The following AJAP1 variants were observed in gnomAD, a reference collection of about 807,000 sequenced individuals.
AJAP1 encodes adherens junctions associated protein 1.
A neutral mutation model predicts 35.0 loss-of-function variants in AJAP1; 5 were observed. The observed-to-expected ratio is 0.14, with a 90% CI of 0.07 to 0.30. The LOEUF (loss-of-function observed/expected upper bound fraction) is 0.30, where lower values mean the gene tolerates loss of function less well. Ranked by LOEUF, AJAP1 falls within the 10% of genes least tolerant of loss-of-function variation. The pLI is 1.00. For missense variants in AJAP1, 586 were observed against 571.0 expected (o/e 1.03, Z -0.27); for synonymous variants, 284 against 249.3 (o/e 1.14, Z -1.31).
At chr1:4,740,255 C>G (rs951236009) in intron 2 of AJAP1, among the ~76,000 whole-genome samples, 1 of 133,978 alleles carries the variant, frequency 7.5e-6, no homozygotes, top group African/African-American at 2.8e-5. Flanking sequence ...GCGAAATAAA[C>G]CGGCCACAAA....
In AJAP1 at chr1:4,792,314, A is replaced by T. The variant is rs1373209863; in HGVS notation, c.*9829A>T. The T allele has an allele frequency of 7.9e-6, 1 of 125,938 alleles. No homozygotes were observed. The highest frequency in any genetic ancestry group is 1.6e-5 in the Non-Finnish European group (1 of 63,670). The allele number at this position is 125,938 out of a possible 1,614,324, so 7.8% of individuals were successfully genotyped here. On this transcript the variant is annotated 3_prime_UTR_variant, in exon 6 of 6. Coordinates refer to ENST00000378191, the MANE Select transcript of AJAP1 (RefSeq NM_018836.4). Reference sequence around the variant, plus strand: ...ATCATAATCATGTTAATAAACAAAAATGACACAATATATGTGGGTGGGGGG... The same window carrying T: ...ATCATAATCATGTTAATAAACAAAATTGACACAATATATGTGGGTGGGGGG...
intron 2 of AJAP1, among the ~76,000 whole-genome samples, chr1:4,756,221 G>A (rs1241821549): frequency 1.3e-5 from 2 of 152,084 alleles, no homozygotes; most frequent in Non-Finnish European, 2.9e-5. Flanking sequence ...TTCACATCAC[G>A]GGCCCCAAAA....
intron 2 of AJAP1, among the ~76,000 whole-genome samples, chr1:4,739,801 A>G (rs1205739200): frequency 1.3e-5 from 2 of 152,052 alleles, no homozygotes; most frequent in East Asian, 1.9e-4. Context: ...CCTCACTTCA[A>G]CGTTGAATTG....
At chr1:4,708,404 G>T (rs1470410750) in intron 1 of AJAP1, among the ~76,000 whole-genome samples, 1 of 152,196 alleles carries the variant, frequency 6.6e-6, no homozygotes, top group Admixed American at 6.5e-5. Flanking sequence ...CTCCAGAGGA[G>T]GTGTGGGGTC....
chr1:4,757,782 C>G (rs1641467028), intron 2 of AJAP1, among the ~76,000 whole-genome samples: 1 of 152,230 alleles, frequency 6.6e-6, no homozygotes, highest in Non-Finnish European at 1.5e-5. Flanking sequence ...TGCCTGCACA[C>G]AGTAGGTCCT....
At chr1:4,763,378 G>A (rs1469715431) in intron 2 of AJAP1, among the ~76,000 whole-genome samples, 3 of 152,220 alleles carry the variant, frequency 2.0e-5, no homozygotes, top group Non-Finnish European at 4.4e-5. Flanking sequence ...TCTGTAGCAT[G>A]TGATCCTGTC....
chr1:4,724,440 C>G (rs1016194051), intron 2 of AJAP1, among the ~76,000 whole-genome samples: 3 of 152,178 alleles, frequency 2.0e-5, no homozygotes. Context: ...CTCTGAAGCC[C>G]CCACCTCTGG....
chr1:4,710,145 TAC>T (rs374109649), intron 1 of AJAP1, among the ~76,000 whole-genome samples: 2,632 of 140,086 alleles, frequency 0.019, 31 homozygotes, highest in Non-Finnish European at 0.03. Flanking sequence ...CACACACAAA[TAC>T]ACACACAGAT....
rs146184059 is a variant in AJAP1, at chr1:4,692,753, C to G, written c.30-19147C>G. ...GCCACCCTGGCACTCTGCTGTCCTC[C>G]CTCCAGGTCTTGTCAGCTGAAATGC... is the stretch of plus-strand genomic sequence containing the variant. On this transcript the variant is annotated intron_variant, in intron 1 of 5. Coordinates refer to ENST00000378191, the MANE Select transcript of AJAP1 (RefSeq NM_018836.4). This position sits in a 1 kb window ranked among gnomAD's most constrained non-coding sequence, Gnocchi z 4.4. Among the ~76,000 whole-genome samples the G allele has an allele frequency of 7.9e-5, 12 of 152,312 alleles. No individual in the cohort carries two copies. The highest frequency in any genetic ancestry group is 1.5e-4 in the Non-Finnish European group (10 of 68,030).
At chr1:4,713,662 A>G (rs1015988913) in intron 2 of AJAP1, among the ~76,000 whole-genome samples, 2 of 152,260 alleles carry the variant, frequency 1.3e-5, no homozygotes, top group Non-Finnish European at 2.9e-5. Flanking sequence ...TGCCTCTGTT[A>G]ACAGGCACAG....
At chr1:4,772,894 C>T (rs1641868631) in intron 4 of AJAP1, among the ~76,000 whole-genome samples, 1 of 152,162 alleles carries the variant, frequency 6.6e-6, no homozygotes, top group Non-Finnish European at 1.5e-5. Flanking sequence ...CACAACAGCC[C>T]CCCGACCGGA....
intron 1 of AJAP1, among the ~76,000 whole-genome samples, chr1:4,691,496 G>A (rs1195061278): frequency 6.6e-6 from 1 of 152,246 alleles, no homozygotes; most frequent in Admixed American, 6.5e-5. Context: ...TGGGGCTCGG[G>A]AATTGTGCTA....
intron 1 of AJAP1, among the ~76,000 whole-genome samples, chr1:4,704,831 T>G (rs1640065323): frequency 6.6e-6 from 1 of 152,214 alleles, no homozygotes; most frequent in Non-Finnish European, 1.5e-5. Context: ...GTTTCCTGAC[T>G]TTTTAATGAT....
intron 2 of AJAP1, among the ~76,000 whole-genome samples, chr1:4,750,609 G>C (rs1015159838): frequency 2.6e-5 from 4 of 151,792 alleles, no homozygotes; most frequent in African/African-American, 9.7e-5. Flanking sequence ...CCCTCTGCCA[G>C]GCTGGGATGA....
At position 4,655,344 on chromosome 1, in the gene AJAP1, G is replaced by A. The variant is rs1355877988; in HGVS notation, c.-82G>A. On this transcript the variant is annotated 5_prime_UTR_variant, in exon 1 of 6. Transcript: ENST00000378191. The surrounding 1 kb of genome is among the most constrained non-coding windows in gnomAD (Gnocchi z 6.9). ...ACCGAGAGCCGGAGACCGGCGCCGC[G>A]GGACGGAAGCGAGCGGGCGCGGGCG... 3.0e-6 allele frequency: 4 copies of A among 1,324,260 alleles called. No homozygotes were observed. The highest frequency in any genetic ancestry group is 3.3e-5 in the East Asian group (1 of 30,736). The allele number at this position is 1,324,260 out of a possible 1,614,324, so 82.0% of individuals were successfully genotyped here. A position where few individuals can be genotyped will look rare whatever the true frequency, so the allele number is the denominator to read the frequency against.
chr1:4,788,259 A>C lies in AJAP1; in HGVS notation c.*5774A>C, dbSNP rs1202961511. The C allele has an allele frequency of 6.3e-6, 1 of 159,246 alleles. No homozygotes were observed. Among genetic ancestry groups the C allele is most frequent in the African/African-American group, 2.4e-5 (1 of 41,508 alleles). 9.9% of individuals were successfully genotyped at this position (159,246 alleles called of 1,614,324 possible). ...CTACCAGCCCTTCCTTCCAAAGAGC[A>C]TGAAGCATGGCTCTGTGTGGTTTTG... On this transcript the variant is annotated 3_prime_UTR_variant, in exon 6 of 6. Coordinates refer to ENST00000378191, the MANE Select transcript of AJAP1 (RefSeq NM_018836.4).
chr1:4,679,691 A>G (rs1307887874), intron 1 of AJAP1, among the ~76,000 whole-genome samples: 1 of 151,998 alleles, frequency 6.6e-6, no homozygotes, highest in African/African-American at 2.4e-5. Flanking sequence ...TAGATGCATC[A>G]CTCAAATCTC....
intron 1 of AJAP1, among the ~76,000 whole-genome samples, chr1:4,696,732 C>T (rs561438539): frequency 4.6e-5 from 7 of 152,286 alleles, no homozygotes; most frequent in East Asian, 1.9e-4. Flanking sequence ...TGTGTGTGCA[C>T]GCACCTGCGT....
intron 1 of AJAP1, among the ~76,000 whole-genome samples, chr1:4,667,507 A>T (rs1303760117): frequency 6.6e-6 from 1 of 152,192 alleles, no homozygotes; most frequent in Non-Finnish European, 1.5e-5. Context: ...TCCACCTCAG[A>T]TCATCAGGCA....
Sources: gnomAD v4.1 joint callset for allele counts (sites outside exome capture counted in the v4.1 genomes callset) on GRCh38, gnomAD v4.1.1 for gene constraint, Gnocchi (gnomAD v3.1) non-coding constraint, MANE v1.5 for transcripts, NCBI Gene and HGNC (gene_info 2026-07-23, HGNC 2026-07-21) for gene names.